The following THSD7B variants were observed in gnomAD, a reference collection of about 807,000 sequenced individuals.
The protein encoded by THSD7B is thrombospondin type 1 domain containing 7B, also known as thrombospondin type-1 domain-containing protein 7B.
A neutral mutation model predicts 213.6 loss-of-function variants in THSD7B; 138 were observed. The ratio of observed to expected loss-of-function variants is 0.65; its 90% CI spans 0.56 to 0.74. The LOEUF (loss-of-function observed/expected upper bound fraction) is 0.74. Ranked by LOEUF, THSD7B falls within the 30% of genes least tolerant of loss-of-function variation. The probability of loss-of-function intolerance (pLI) is 0.00; values close to 1 mark genes in which losing one functional copy is unlikely to be tolerated. For synonymous variants in THSD7B, 742 were observed against 687.0 expected (o/e 1.08, Z -1.25); for missense variants, 1,931 against 1,991.5 (o/e 0.97, Z 0.58).
chr2:137,237,429 A>T (rs1373061171), intron 9 of THSD7B, among the ~76,000 whole-genome samples: 4 of 152,236 alleles, frequency 2.6e-5, no homozygotes, highest in Non-Finnish European at 5.9e-5. Flanking sequence ...ATTTGTCTTC[A>T]GGCTTTGATA....
At chr2:136,856,664 G>C (rs530647150) in intron 1 of THSD7B, among the ~76,000 whole-genome samples, 87 of 152,028 alleles carry the variant, frequency 5.7e-4, no homozygotes, top group Middle Eastern at 6.8e-3. Context: ...ACAGGATTCC[G>C]CCACCACGCC....
intron 15 of THSD7B, among the ~76,000 whole-genome samples, chr2:137,524,967 G>A (rs1301841345): frequency 2.0e-5 from 3 of 152,192 alleles, no homozygotes; most frequent in Admixed American, 1.3e-4. Flanking sequence ...TTGGCAGCTA[G>A]ATGGGAGACA....
Position 137,211,129 on chromosome 2 carries a change from C to T in THSD7B, c.1724-19915C>T, listed in dbSNP as rs189159115. Among the ~76,000 whole-genome samples the T allele has an allele frequency of 7.2e-5, 11 of 151,920 alleles. No homozygotes were observed. The East Asian group carries it at 1.5e-3, about 21-fold the overall frequency. On this transcript the variant is annotated intron_variant, in intron 7 of 27. Coordinates refer to ENST00000409968, the MANE Select transcript of THSD7B (RefSeq NM_001316349.2). ...TTGACATTTAGTGTTTCAAAGGTAT[C>T]GGCGTGACCTCAAATATCTTTCACT...
In THSD7B at chr2:137,489,240, C is replaced by T. The variant is rs564088835; in HGVS notation, c.3138+38217C>T. Among the ~76,000 whole-genome samples the T allele has an allele frequency of 4.6e-5, 7 of 151,938 alleles. No homozygotes were observed. The East Asian group carries it at 1.4e-3, about 30-fold the overall frequency. Reference sequence around the variant, plus strand: ...AGGAGATCGAGACCATCCTGGCCAACATGGTGAAACCCCATCTCTACTAAA... The same window carrying T: ...AGGAGATCGAGACCATCCTGGCCAATATGGTGAAACCCCATCTCTACTAAA... On this transcript the variant is annotated intron_variant, in intron 15 of 27. Transcript: ENST00000409968.
At position 137,170,710 on chromosome 2, in the gene THSD7B, T is replaced by C. The variant is rs545455436; in HGVS notation, c.1526-31T>C. The C allele has an allele frequency of 5.6e-6, 9 of 1,595,882 alleles. No homozygotes were observed. In the African/African-American group the frequency reaches 1.2e-4, roughly 21 times the overall value. Reference sequence around the variant, plus strand: ...TTCCTTTCCTGGAAAAGAGTGGAATTCTCTGAAAATTCTTTTCTCTCTCTT... The same window carrying C: ...TTCCTTTCCTGGAAAAGAGTGGAATCCTCTGAAAATTCTTTTCTCTCTCTT... On this transcript the variant is annotated intron_variant, in intron 6 of 27. Coordinates refer to ENST00000409968, the MANE Select transcript of THSD7B (RefSeq NM_001316349.2).
chr2:137,236,351 T>G (rs1328031403), intron 9 of THSD7B, among the ~76,000 whole-genome samples: 2 of 152,230 alleles, frequency 1.3e-5, no homozygotes, highest in Non-Finnish European at 2.9e-5. Context: ...TGTTTTGGTT[T>G]CCATGTAATT....
chr2:137,660,223 A>AT (rs150331097), intron 25 of THSD7B, among the ~76,000 whole-genome samples: 3,902 of 151,112 alleles, frequency 0.026, 144 homozygotes, highest in African/African-American at 0.089. Flanking sequence ...TTATGCATGT[A>AT]TTTTTTTTTC....
At chr2:137,251,979 G>A (rs944171008) in intron 10 of THSD7B, among the ~76,000 whole-genome samples, 1 of 152,050 alleles carries the variant, frequency 6.6e-6, no homozygotes, top group Non-Finnish European at 1.5e-5. Context: ...TTAGGTAAAA[G>A]GGGTCTTGGC....
chr2:137,115,196 G>C lies in THSD7B; in HGVS notation c.1272G>C (p.Trp424Cys). 6.2e-7 allele frequency: 1 copy of C among 1,613,894 alleles called. No individual in the cohort carries two copies. The highest frequency in any genetic ancestry group is 8.5e-7 in the Non-Finnish European group (1 of 1,179,856). Reference protein sequence around the residue: ...SLLLEQQDPHWHVTGPVCGGG... With the variant: ...SLLLEQQDPHCHVTGPVCGGG... ...TCCTCGAGCAGCAGGATCCCCACTG[G>C]CATGTGACGGGACCCGTGTGTGGCG... is the stretch of plus-strand genomic sequence containing the variant. Residue 424 changes from tryptophan (W) to cysteine (C), a missense_variant, in exon 5 of 28, where the codon TGG (tryptophan) becomes TGC (cysteine). Coordinates refer to ENST00000409968, the MANE Select transcript of THSD7B (RefSeq NM_001316349.2).
intron 12 of THSD7B, among the ~76,000 whole-genome samples, chr2:137,303,288 T>G (rs1190649244): frequency 6.6e-6 from 1 of 152,172 alleles, no homozygotes; most frequent in Non-Finnish European, 1.5e-5. Flanking sequence ...TCCCAAAGTT[T>G]TGAGATGACA....
intron 12 of THSD7B, among the ~76,000 whole-genome samples, chr2:137,279,932 C>T (rs1026045554): frequency 1.3e-5 from 2 of 152,142 alleles, no homozygotes; most frequent in South Asian, 4.1e-4. Context: ...TTCTTTGTAT[C>T]CCAGAGGGAG....
At chr2:137,662,158 G>A (rs1683358425) in intron 25 of THSD7B, among the ~76,000 whole-genome samples, 1 of 148,786 alleles carries the variant, frequency 6.7e-6, no homozygotes, top group South Asian at 2.1e-4. Context: ...CGCCTCCTGG[G>A]TTCACGCCAT....
rs1683709180 is a variant in THSD7B at position 137,676,661 on chromosome 2, T to C, written c.*56T>C. 6 of 1,454,304 alleles carry C rather than the reference T, an allele frequency of 4.1e-6. 1 individual carries two copies. The highest frequency in any genetic ancestry group is 1.8e-4 in the Middle Eastern group (1 of 5,636). The allele number at this position is 1,454,304 out of a possible 1,614,324, so 90.1% of individuals were successfully genotyped here. ...ACTGCCTTAACCGCTTTCTCTTTTGTAGCTCTCAGACTTCTCAGTTTTTTG... is the reference window on the plus strand; with the variant it reads ...ACTGCCTTAACCGCTTTCTCTTTTGCAGCTCTCAGACTTCTCAGTTTTTTG... On this transcript the variant is annotated 3_prime_UTR_variant, in exon 28 of 28. Coordinates refer to ENST00000409968, the MANE Select transcript of THSD7B (RefSeq NM_001316349.2).
At chr2:136,877,585 T>A (rs1683545401) in intron 1 of THSD7B, among the ~76,000 whole-genome samples, 1 of 152,204 alleles carries the variant, frequency 6.6e-6, no homozygotes, top group South Asian at 2.1e-4. Flanking sequence ...AGGCAGGCTG[T>A]CAGAGAGCTG....
chr2:137,634,659 A>C (rs1682800599), intron 20 of THSD7B, among the ~76,000 whole-genome samples: 1 of 152,202 alleles, frequency 6.6e-6, no homozygotes, highest in African/African-American at 2.4e-5. Context: ...TGGCTTTCTA[A>C]AGGGCATGGT....
intron 1 of THSD7B, among the ~76,000 whole-genome samples, chr2:136,880,144 T>A (rs975997598): frequency 1.3e-5 from 2 of 152,102 alleles, no homozygotes; most frequent in Non-Finnish European, 2.9e-5. Context: ...ACTCTCCACC[T>A]CAAATCAACA....
intron 1 of THSD7B, among the ~76,000 whole-genome samples, chr2:136,852,708 T>C (rs968723129): frequency 2.0e-5 from 3 of 152,240 alleles, no homozygotes; most frequent in Non-Finnish European, 4.4e-5. Flanking sequence ...TTATGATTTA[T>C]CTTTGTATTA....
intron 26 of THSD7B, 22 bp from the exon 27 acceptor site, chr2:137,667,752 A>G (rs1220389258): frequency 6.3e-7 from 1 of 1,580,600 alleles, no homozygotes; most frequent in African/African-American, 1.3e-5. Flanking sequence ...TAAGCTTCTT[A>G]TGTTATCTCT....
At chr2:137,262,995 A>G (rs1344016307) in intron 10 of THSD7B, among the ~76,000 whole-genome samples, 3 of 152,156 alleles carry the variant, frequency 2.0e-5, no homozygotes. Context: ...AAAGTGGGTC[A>G]CTATTTGATA....
Sources: allele counts gnomAD v4.1 joint callset (sites outside exome capture counted in the v4.1 genomes callset), GRCh38; gene constraint gnomAD v4.1.1; transcripts MANE v1.5; gene names NCBI Gene and HGNC (gene_info 2026-07-23, HGNC 2026-07-21).